Variants in NAV3 observed in about 807,000 individuals in gnomAD.
NAV3 encodes the protein pore membrane and/or filament interacting like protein 1.
Under a neutral mutation model 244.7 loss-of-function variants are expected in NAV3, and 87 were observed. That is an observed-to-expected ratio of 0.36 (90% CI 0.30 to 0.42). NAV3 has a LOEUF of 0.42. NAV3 is among the 20% of genes least tolerant of loss of function. The pLI, the probability that NAV3 is intolerant of heterozygous loss-of-function variation, is 1.00. For synonymous variants in NAV3, 1,126 were observed against 1,042.2 expected (o/e 1.08, Z -1.55); for missense variants, 2,663 against 2,893.3 (o/e 0.92, Z 1.83).
intron 2 of NAV3, among the ~76,000 whole-genome samples, chr12:77,764,269 C>T (rs755411184): frequency 6.6e-6 from 1 of 152,148 alleles, no homozygotes; most frequent in Non-Finnish European, 1.5e-5. Context: ...TATTCATATA[C>T]TGAGTAATAG....
intron 12 of NAV3, among the ~76,000 whole-genome samples, chr12:78,069,361 T>G (rs1419360870): frequency 6.6e-6 from 1 of 152,008 alleles, no homozygotes; most frequent in Admixed American, 6.6e-5. Flanking sequence ...TATACAAAAG[T>G]GTGAAGAAGA....
Position 77,672,236 on chromosome 12 carries a change from T to TA in NAV3, c.72+99977dup, listed in dbSNP as rs1345527888. ...AAGCATGGTCATAAGCAAAAAATAA[T>TA]AAAAAAATAGATGTTTGCATGGATG... On this transcript the variant is annotated intron_variant, in intron 2 of 8. Coordinates refer to the NAV3 transcript ENST00000550042. Among the ~76,000 whole-genome samples the TA allele has an allele frequency of 7.3e-5, 11 of 151,672 alleles. No homozygotes were observed. The Middle Eastern group carries it at 0.01, about 141-fold the overall frequency.
At position 78,117,573 on chromosome 12, in the gene NAV3, G is replaced by A. The variant is rs1433534468; in HGVS notation, c.2770-454G>A. On this transcript the variant is annotated intron_variant, in intron 13 of 39. Coordinates refer to ENST00000397909, the MANE Select transcript of NAV3 (RefSeq NM_001024383.2). ...AATTGATTACAATCTAATTCAGAAA[G>A]ATTTATGTTGCCATATCTCTCCTTA... Among the ~76,000 whole-genome samples the A allele has an allele frequency of 3.3e-5, 5 of 149,878 alleles. No homozygotes were observed. The East Asian group carries it at 7.8e-4, about 23-fold the overall frequency.
intron 2 of NAV3, among the ~76,000 whole-genome samples, chr12:77,708,572 T>C: frequency 6.6e-6 from 1 of 152,122 alleles, no homozygotes; most frequent in South Asian, 2.1e-4. Flanking sequence ...AACTTTAAAG[T>C]AGTTTTTTTT....
At chr12:78,205,205 T>G in intron 39 of NAV3, 67 bp downstream of exon 39, 1 of 1,473,936 alleles carries the variant, frequency 6.8e-7, no homozygotes, top group Non-Finnish European at 9.3e-7. Context: ...TAATATTTAG[T>G]TATTTCTAGC....
chr12:77,968,812 A>T (rs1229154275), intron 5 of NAV3, 110 bp downstream of exon 5: 3 of 1,024,316 alleles, frequency 2.9e-6, no homozygotes, highest in Non-Finnish European at 4.3e-6. Flanking sequence ...TGCTTGTATC[A>T]GTGTGATGGG....
intron 2 of NAV3, among the ~76,000 whole-genome samples, chr12:77,669,674 C>T (rs1026820866): frequency 3.3e-5 from 5 of 152,128 alleles, no homozygotes; most frequent in East Asian, 1.9e-4. Flanking sequence ...ATATATGCAC[C>T]TAACACTAGA....
intron 1 of NAV3, among the ~76,000 whole-genome samples, chr12:77,860,061 T>A (rs1879032215): frequency 6.6e-6 from 1 of 151,816 alleles, no homozygotes; most frequent in East Asian, 1.9e-4. Flanking sequence ...GCCTCAAGAT[T>A]TATTAAGTGG....
At chr12:77,923,393 G>A (rs1887898581) in intron 1 of NAV3, among the ~76,000 whole-genome samples, 1 of 152,026 alleles carries the variant, frequency 6.6e-6, no homozygotes, top group Non-Finnish European at 1.5e-5. Context: ...GAGAGAGAGA[G>A]CTAGATTTAG....
At chr12:78,188,864 T>C in intron 33 of NAV3, 87 bp downstream of exon 33, 1 of 1,282,038 alleles carries the variant, frequency 7.8e-7, no homozygotes. Flanking sequence ...CCAGTTTCCC[T>C]TAAAATTTTT....
chr12:78,067,843 C>T lies in NAV3; in HGVS notation c.2636+8728C>T, dbSNP rs144222978. 4.4e-3 allele frequency among the ~76,000 whole-genome samples: 663 copies of T among 152,158 alleles called. 4 individuals are homozygous for T. Among genetic ancestry groups the T allele is most frequent in the African/African-American group, 0.015 (619 of 41,542 alleles). ...CCATTATAGAATGATTCTCCCAATA[C>T]AAGAGATGGTTCCCAGGACTCTTAT... On this transcript the variant is annotated intron_variant, in intron 12 of 39. Transcript: ENST00000397909.
rs551766755 is a variant in NAV3 at position 77,942,265 on chromosome 12, G to A, written c.414+1132G>A. ...CGCATGCCTATAATCCCAGCTACTC[G>A]GGAGGCTGAGGCAGGAGAATCGCTT... On this transcript the variant is annotated intron_variant, in intron 3 of 39. Transcript: ENST00000397909. 4.6e-5 allele frequency among the ~76,000 whole-genome samples: 7 copies of A among 152,120 alleles called. No homozygotes were observed. The East Asian group carries it at 9.7e-4, about 21-fold the overall frequency.
At chr12:77,799,486 A>G (rs942127360) in intron 2 of NAV3, among the ~76,000 whole-genome samples, 1 of 152,200 alleles carries the variant, frequency 6.6e-6, no homozygotes, top group Non-Finnish European at 1.5e-5. Flanking sequence ...ATTAGTAGCT[A>G]TGATTGGTGA....
Position 77,897,035 on chromosome 12 carries a change from C to T in NAV3, c.244-43284C>T, listed in dbSNP as rs539778620. ...TCACCTGAGAGCTTGTTAAAAATATCGAATCTCAGATCCTGCTCCAGACCT... is the reference window on the plus strand; with the variant it reads ...TCACCTGAGAGCTTGTTAAAAATATTGAATCTCAGATCCTGCTCCAGACCT... On this transcript the variant is annotated intron_variant, in intron 1 of 39. Coordinates refer to ENST00000397909, the MANE Select transcript of NAV3 (RefSeq NM_001024383.2). Among the ~76,000 whole-genome samples the T allele has an allele frequency of 5.1e-4, 78 of 152,274 alleles. 1 individual carries two copies. Among genetic ancestry groups the T allele is most frequent in the Middle Eastern group, 3.4e-3 (1 of 294 alleles).
intron 2 of NAV3, among the ~76,000 whole-genome samples, chr12:77,776,980 C>T (rs1870394421): frequency 6.6e-6 from 1 of 152,038 alleles, no homozygotes; most frequent in Admixed American, 6.5e-5. Context: ...TTGAGTAAAC[C>T]ATTACTCATT....
intron 9 of NAV3, among the ~76,000 whole-genome samples, chr12:78,032,455 C>A (rs1202498052): frequency 6.6e-6 from 1 of 152,132 alleles, no homozygotes; most frequent in Non-Finnish European, 1.5e-5. Context: ...GGATAAATGA[C>A]TTTTTCAATT....
intron 1 of NAV3, among the ~76,000 whole-genome samples, chr12:77,888,247 G>C (rs1234784531): frequency 6.6e-6 from 1 of 152,124 alleles, no homozygotes; most frequent in East Asian, 1.9e-4. Flanking sequence ...ATCCCAAGGA[G>C]GTAGAGGCAG....
At chr12:77,883,427 G>C (rs1445710438) in intron 1 of NAV3, among the ~76,000 whole-genome samples, 1 of 151,956 alleles carries the variant, frequency 6.6e-6, no homozygotes, top group Non-Finnish European at 1.5e-5. Context: ...AATAGACCCT[G>C]CTAGACTACT....
chr12:77,976,316 A>T (rs1868366574), intron 5 of NAV3, among the ~76,000 whole-genome samples: 1 of 152,170 alleles, frequency 6.6e-6, no homozygotes, highest in Admixed American at 6.5e-5. Context: ...GATAGCAACA[A>T]TAAAAAGCTA....
Sources: gnomAD v4.1 joint callset for allele counts (sites outside exome capture counted in the v4.1 genomes callset) on GRCh38, gnomAD v4.1.1 for gene constraint, MANE v1.5 for transcripts, NCBI Gene and HGNC (gene_info 2026-07-23, HGNC 2026-07-21) for gene names.